Variants in CTNNA3 observed in about 807,000 individuals in gnomAD.
CTNNA3 encodes the protein catenin alpha-3.
CTNNA3 carries 76 observed loss-of-function variants against 95.7 expected under a neutral mutation model. The observed-to-expected ratio is 0.79, with a 90% CI of 0.66 to 0.96. The LOEUF (loss-of-function observed/expected upper bound fraction) is 0.96. Among genes scored for constraint, CTNNA3 ranks in the 40% least tolerant of loss-of-function variants. CTNNA3 has a pLI of 0.00. For synonymous variants in CTNNA3, 431 were observed against 374.4 expected (o/e 1.15, Z -1.74); for missense variants, 1,191 against 1,089.8 (o/e 1.09, Z -1.31).
chr10:67,625,306 G>A (rs1838917419), intron 2 of CTNNA3, among the ~76,000 whole-genome samples: 1 of 152,138 alleles, frequency 6.6e-6, no homozygotes, highest in Non-Finnish European at 1.5e-5. Context: ...TCTATGACTG[G>A]TGCCCCTCCC....
intron 7 of CTNNA3, among the ~76,000 whole-genome samples, chr10:66,779,185 C>A (rs1169755002): frequency 1.3e-5 from 2 of 152,066 alleles, no homozygotes; most frequent in Non-Finnish European, 2.9e-5. Flanking sequence ...ATATAATCTA[C>A]TTCTGTATTT....
chr10:66,697,267 G>A (rs538375806), intron 9 of CTNNA3, among the ~76,000 whole-genome samples: 3 of 148,724 alleles, frequency 2.0e-5, no homozygotes, highest in African/African-American at 4.9e-5. Flanking sequence ...TATATATATA[G>A]ATATATAGAT....
intron 13 of CTNNA3, among the ~76,000 whole-genome samples, chr10:66,210,302 A>G (rs1036129124): frequency 1.3e-5 from 2 of 150,930 alleles, no homozygotes; most frequent in Non-Finnish European, 2.9e-5. Flanking sequence ...ACCACTTCCT[A>G]TAATTTACTA....
At chr10:66,901,448 C>T (rs1417956707) in intron 7 of CTNNA3, among the ~76,000 whole-genome samples, 5 of 152,180 alleles carry the variant, frequency 3.3e-5, no homozygotes, top group African/African-American at 1.2e-4. Context: ...ACCATAGATG[C>T]TATGAAGAAA....
At chr10:67,454,064 TATC>T (rs1847084373) in intron 5 of CTNNA3, among the ~76,000 whole-genome samples, 1 of 152,172 alleles carries the variant, frequency 6.6e-6, no homozygotes, top group Non-Finnish European at 1.5e-5. Context: ...TATGAGATAA[TATC>T]ATATGAAATC....
At chr10:66,050,469 C>T (rs948165531) in intron 15 of CTNNA3, among the ~76,000 whole-genome samples, 4 of 151,784 alleles carry the variant, frequency 2.6e-5, no homozygotes, top group Admixed American at 6.6e-5. Flanking sequence ...TGCTCTGCTG[C>T]CCAGGCTGGA....
chr10:66,864,970 T>C (rs1015784203), intron 7 of CTNNA3, among the ~76,000 whole-genome samples: 1 of 152,086 alleles, frequency 6.6e-6, no homozygotes, highest in African/African-American at 2.4e-5. Context: ...TTGTTTTGCT[T>C]TTTCTCCTCA....
chr10:66,744,896 C>T (rs1849451176), intron 9 of CTNNA3, among the ~76,000 whole-genome samples: 1 of 152,066 alleles, frequency 6.6e-6, no homozygotes, highest in African/African-American at 2.4e-5. Context: ...TAAAATATTT[C>T]AGAAGTCAGC....
At chr10:67,439,961 C>T (rs774979592) in intron 5 of CTNNA3, among the ~76,000 whole-genome samples, 51 of 152,232 alleles carry the variant, frequency 3.4e-4, no homozygotes, top group Middle Eastern at 6.8e-3. Context: ...CATGGGGAAA[C>T]GTAAAGGGGG....
chr10:67,733,834 C>T (rs1307281342), intron 1 of CTNNA3, among the ~76,000 whole-genome samples: 1 of 152,138 alleles, frequency 6.6e-6, no homozygotes, highest in East Asian at 1.9e-4. Flanking sequence ...CAGTCAGACC[C>T]TAAATTTGGC....
chr10:67,471,567 T>C (rs1847830744), intron 5 of CTNNA3, among the ~76,000 whole-genome samples: 1 of 152,222 alleles, frequency 6.6e-6, no homozygotes, highest in African/African-American at 2.4e-5. Flanking sequence ...TGTTTAACTC[T>C]TCAGAAACTG....
At chr10:67,495,174 C>T (rs757374315) in intron 5 of CTNNA3, among the ~76,000 whole-genome samples, 9 of 152,002 alleles carry the variant, frequency 5.9e-5, no homozygotes, top group Non-Finnish European at 1.2e-4. Context: ...CCACACACAC[C>T]GCCATCTAAA....
intron 3 of CTNNA3, among the ~76,000 whole-genome samples, chr10:67,569,060 G>C (rs1486273638): frequency 6.6e-6 from 1 of 152,152 alleles, no homozygotes; most frequent in Non-Finnish European, 1.5e-5. Context: ...TGCATGCATT[G>C]TGTCCTGTAG....
chr10:66,332,441 G>T (rs1003392345), intron 12 of CTNNA3, among the ~76,000 whole-genome samples: 3 of 142,456 alleles, frequency 2.1e-5, no homozygotes, highest in East Asian at 2.1e-4. Flanking sequence ...AGCATGAAGG[G>T]TGTAGATTTT....
chr10:66,011,167 T>C (rs1012536965), intron 15 of CTNNA3, among the ~76,000 whole-genome samples: 2 of 152,196 alleles, frequency 1.3e-5, no homozygotes, highest in African/African-American at 4.8e-5. Context: ...GTGGTCACCA[T>C]AGATGCCACT....
At chr10:66,637,627 T>G (rs1845380721) in intron 9 of CTNNA3, among the ~76,000 whole-genome samples, 3 of 152,186 alleles carry the variant, frequency 2.0e-5, no homozygotes, top group Admixed American at 1.3e-4. Context: ...GTTCCAGAAG[T>G]CAGGAGACAG....
chr10:67,144,910 A>G (rs941862778), intron 7 of CTNNA3, among the ~76,000 whole-genome samples: 1 of 152,192 alleles, frequency 6.6e-6, no homozygotes, highest in Non-Finnish European at 1.5e-5. Context: ...AGCTTTCAAC[A>G]TGCCTTCCTA....
At chr10:67,404,380 G>A in intron 5 of CTNNA3, among the ~76,000 whole-genome samples, 1 of 151,832 alleles carries the variant, frequency 6.6e-6, no homozygotes, top group South Asian at 2.1e-4. Flanking sequence ...TGATAGAGCT[G>A]AAAAAAACAC....
chr10:67,730,432 C>A (rs1280884481), intron 1 of CTNNA3, among the ~76,000 whole-genome samples: 1 of 152,050 alleles, frequency 6.6e-6, no homozygotes, highest in Non-Finnish European at 1.5e-5. Flanking sequence ...TTCAGATGTG[C>A]AAAGTTTAAA....
Sources: gnomAD v4.1 joint callset for allele counts (sites outside exome capture counted in the v4.1 genomes callset) on GRCh38, gnomAD v4.1.1 for gene constraint, MANE v1.5 for transcripts, NCBI Gene and HGNC (gene_info 2026-07-23, HGNC 2026-07-21) for gene names.